Variants in TANC1 observed in about 807,000 individuals in gnomAD.
The protein encoded by TANC1 is tetratricopeptide repeat, ankyrin repeat and coiled-coil containing 1.
TANC1 carries 77 observed loss-of-function variants against 149.7 expected under a neutral mutation model. The observed-to-expected ratio is 0.51, with a 90% confidence interval of 0.43 to 0.62. The LOEUF is 0.62. TANC1 is among the 20% of genes least tolerant of loss of function. The pLI is 0.00. For synonymous variants in TANC1, 854 were observed against 925.0 expected, an observed-to-expected ratio of 0.92 and a Z score of 1.39; for missense variants, 1,985 against 2,321.8, an observed-to-expected ratio of 0.85 and a Z score of 2.98.
At chr2:158,994,863 T>C (rs181117754) in intron 1 of TANC1, among the ~76,000 whole-genome samples, 1 of 152,372 alleles carries the variant, frequency 6.6e-6, no homozygotes, top group East Asian at 1.9e-4. Flanking sequence ...AACTACTGTT[T>C]GGAGAAAGAA....
intron 7 of TANC1, among the ~76,000 whole-genome samples, chr2:159,155,894 T>C (rs1171831219): frequency 2.6e-5 from 4 of 151,762 alleles, no homozygotes; most frequent in Non-Finnish European, 4.4e-5. Context: ...TTAGGATGTT[T>C]AAAAAAAAAT....
At chr2:159,119,113 G>T (rs2048589451) in intron 4 of TANC1, among the ~76,000 whole-genome samples, 2 of 152,144 alleles carry the variant, frequency 1.3e-5, no homozygotes, top group African/African-American at 4.8e-5. Flanking sequence ...TTTTTCTTTG[G>T]TATAGGCAGA....
chr2:158,983,814 G>A (rs1317203435), intron 1 of TANC1, among the ~76,000 whole-genome samples: 1 of 152,184 alleles, frequency 6.6e-6, no homozygotes, highest in Non-Finnish European at 1.5e-5. Context: ...TGGAGAAATG[G>A]GGATTCTCCT....
Position 158,979,493 on chromosome 2 carries a change from CAAAAAAA to C in TANC1, c.-126+10715_-126+10721del, listed in dbSNP as rs796120375. ...TTGGCGACAGAGCAAGTCCTTATCT[CAAAAAAA>C]AAAGAAAAAAGAAAAAAAAAAACTT... On this transcript the variant is annotated intron_variant, in intron 1 of 26. Transcript: ENST00000263635. 1.5e-4 allele frequency among the ~76,000 whole-genome samples: 19 copies of C among 124,930 alleles called. No individual in the cohort carries two copies. The South Asian group carries it at 4.3e-3, about 29-fold the overall frequency. The allele number at this position is 124,930 out of a possible 152,430, so 82.0% of individuals were successfully genotyped here.
intron 4 of TANC1, among the ~76,000 whole-genome samples, chr2:159,127,096 GAT>G (rs34490869): frequency 1.5e-3 from 223 of 152,222 alleles, no homozygotes; most frequent in African/African-American, 5.2e-3. Flanking sequence ...TTATTTTAAT[GAT>G]ACCTTATTGA....
rs79454434 is a variant in TANC1 at position 159,149,503 on chromosome 2, C to A, written c.495+231C>A. ...AAAATGTCCACATTAACCTTCTAGT[C>A]ACCACCCAGAGAATAATGGCCACAT... On this transcript the variant is annotated intron_variant, in intron 6 of 26. Coordinates refer to ENST00000263635, the MANE Select transcript of TANC1 (RefSeq NM_033394.3). 54 of 533,030 alleles carry A rather than the reference C, an allele frequency of 1.0e-4. No homozygotes were observed. The East Asian group carries it at 1.9e-3, about 18-fold the overall frequency. The allele number at this position is 533,030 out of a possible 1,614,324, so 33.0% of individuals were successfully genotyped here.
intron 16 of TANC1, among the ~76,000 whole-genome samples, chr2:159,187,487 T>A (rs2150622626): frequency 6.6e-6 from 1 of 152,322 alleles, no homozygotes; most frequent in South Asian, 2.1e-4. Context: ...ATGGAAAGGG[T>A]ATCAGCATGG....
At chr2:159,018,581 C>A (rs1485622014) in intron 2 of TANC1, among the ~76,000 whole-genome samples, 1 of 152,146 alleles carries the variant, frequency 6.6e-6, no homozygotes, top group Non-Finnish European at 1.5e-5. Flanking sequence ...GCCATTACCA[C>A]CATCCATCTC....
rs367788551 is a variant in TANC1 at position 159,016,765 on chromosome 2, A to G, written c.-16+15576A>G. ...AATTTTTTGTATTTTTAGTAGAGAC[A>G]GGGTTTCACTGTGTTAGCCAGGATG... On this transcript the variant is annotated intron_variant, in intron 2 of 26. Coordinates refer to ENST00000263635, the MANE Select transcript of TANC1 (RefSeq NM_033394.3). 7.9e-3 allele frequency among the ~76,000 whole-genome samples: 1,204 copies of G among 151,832 alleles called. 18 individuals are homozygous for G. Among genetic ancestry groups the G allele is most frequent in the South Asian group, 0.036 (173 of 4,796 alleles).
rs1356453400 is a variant in TANC1, at chr2:159,149,296, A to G, written c.495+24A>G. On this transcript the variant is annotated intron_variant, in intron 6 of 26. Coordinates refer to ENST00000263635, the MANE Select transcript of TANC1 (RefSeq NM_033394.3). ...TGGTAATGCCCGAGGAAGACACTAC[A>G]TTGCATACCTCTTCAGAGGATGAAC... is the stretch of plus-strand genomic sequence containing the variant. 5 of 1,613,850 alleles carry G rather than the reference A, an allele frequency of 3.1e-6. No individual in the cohort carries two copies. In the East Asian group the frequency reaches 6.7e-5, roughly 22 times the overall value.
rs77225867 is a variant in TANC1 at position 159,211,472 on chromosome 2, C to A, written c.3245-6025C>A. ...ATTCTCTTCTCCTGCCCTCCCCTGC[C>A]CTCTTTTCCTTCGGGTCAGGTGGGG... On this transcript the variant is annotated intron_variant, in intron 19 of 26. Coordinates refer to ENST00000263635, the MANE Select transcript of TANC1 (RefSeq NM_033394.3). 3.2e-4 allele frequency among the ~76,000 whole-genome samples: 49 copies of A among 152,332 alleles called. No individual in the cohort carries two copies. The East Asian group carries it at 8.9e-3, about 28-fold the overall frequency.
chr2:158,969,125 G>A (rs842072), intron 1 of TANC1, among the ~76,000 whole-genome samples: 123 of 152,118 alleles, frequency 8.1e-4, no homozygotes, highest in African/African-American at 2.7e-3. Context: ...CGAGTTCTGG[G>A]ACCACCCCCG....
At chr2:159,140,213 C>A (rs1465947195) in intron 5 of TANC1, among the ~76,000 whole-genome samples, 1 of 151,136 alleles carries the variant, frequency 6.6e-6, no homozygotes, top group Non-Finnish European at 1.5e-5. Context: ...CAGAGTGAGA[C>A]CCTGTCTCAA....
intron 16 of TANC1, among the ~76,000 whole-genome samples, chr2:159,188,257 T>C: frequency 6.6e-6 from 1 of 152,230 alleles, no homozygotes; most frequent in East Asian, 1.9e-4. Flanking sequence ...TTTTTTAGAG[T>C]GTATTAAATG....
intron 4 of TANC1, among the ~76,000 whole-genome samples, chr2:159,129,658 T>C (rs547929164): frequency 6.6e-6 from 1 of 152,188 alleles, no homozygotes; most frequent in African/African-American, 2.4e-5. Flanking sequence ...GTTTTTAATT[T>C]TAAGGGTCCT....
intron 1 of TANC1, among the ~76,000 whole-genome samples, chr2:158,969,067 C>G (rs952663716): frequency 4.6e-5 from 7 of 152,220 alleles, no homozygotes; most frequent in African/African-American, 1.4e-4. Context: ...CCGAGCCGGC[C>G]TCCCCTGGAA....
intron 2 of TANC1, among the ~76,000 whole-genome samples, chr2:159,037,530 G>GT (rs2040291244): frequency 6.6e-6 from 1 of 152,130 alleles, no homozygotes; most frequent in Non-Finnish European, 1.5e-5. Flanking sequence ...ATTAATTTTT[G>GT]TATAGGTATA....
intron 5 of TANC1, among the ~76,000 whole-genome samples, chr2:159,138,201 A>C (rs776623873): frequency 3.3e-5 from 5 of 152,184 alleles, no homozygotes; most frequent in Non-Finnish European, 7.3e-5. Flanking sequence ...TATGGGCTAC[A>C]AATACAGGAC....
At chr2:159,211,291 A>G (rs1422477331) in intron 19 of TANC1, among the ~76,000 whole-genome samples, 1 of 152,240 alleles carries the variant, frequency 6.6e-6, no homozygotes, top group Non-Finnish European at 1.5e-5. Context: ...CCATCTTGTT[A>G]AGGATTTTAC....
Sources: gnomAD v4.1 joint callset for allele counts (sites outside exome capture counted in the v4.1 genomes callset) on GRCh38, gnomAD v4.1.1 for gene constraint, MANE v1.5 for transcripts, NCBI Gene and HGNC (gene_info 2026-07-23, HGNC 2026-07-21) for gene names.